GALNT17: variants seen among roughly 807,000 people sequenced by gnomAD.
The protein encoded by GALNT17 is UDP-GalNAc:polypeptide N-acetylgalactosaminyltransferase-like 3.
In GALNT17, 29 loss-of-function variants were observed where a neutral mutation model predicts 63.7. That is an observed-to-expected ratio of 0.46 (90% CI 0.34 to 0.62). The LOEUF is 0.62. Ranked by LOEUF, GALNT17 falls within the 20% of genes least tolerant of loss-of-function variation. GALNT17 has a pLI of 0.01. For missense variants in GALNT17, 603 were observed against 799.6 expected (o/e 0.75, Z 2.97); for synonymous variants, 305 against 318.3 (o/e 0.96, Z 0.45).
At chr7:71,506,087 G>A (rs971736495) in intron 5 of GALNT17, among the ~76,000 whole-genome samples, 1 of 152,044 alleles carries the variant, frequency 6.6e-6, no homozygotes. Flanking sequence ...GGCATTGGTG[G>A]GTGGTATGGT....
chr7:71,626,059 C>G (rs1790371063), intron 6 of GALNT17, among the ~76,000 whole-genome samples: 1 of 152,072 alleles, frequency 6.6e-6, no homozygotes, highest in Non-Finnish European at 1.5e-5. Context: ...TCCTGACCAA[C>G]ATGGTGAAAC....
rs1001626762 is a variant in GALNT17, at chr7:71,257,957, A to T, written c.239-77593A>T. 1.3e-4 allele frequency among the ~76,000 whole-genome samples: 19 copies of T among 151,874 alleles called. 1 individual carries two copies. Among genetic ancestry groups the T allele is most frequent in the African/African-American group, 4.6e-4 (19 of 41,322 alleles). ...TGACACCATGAGCCAGCTGTATTTGACCTCTGCATTGGCCCTTTATGCTTC... is the reference window on the plus strand; with the variant it reads ...TGACACCATGAGCCAGCTGTATTTGTCCTCTGCATTGGCCCTTTATGCTTC... On this transcript the variant is annotated intron_variant, in intron 1 of 10. Transcript: ENST00000333538.
chr7:71,193,294 C>T (rs1330906282), intron 1 of GALNT17, among the ~76,000 whole-genome samples: 1 of 151,448 alleles, frequency 6.6e-6, no homozygotes, highest in Non-Finnish European at 1.5e-5. Context: ...GAGGTGGGGT[C>T]TTGCTGTATT....
chr7:71,372,789 A>G (rs1015837097), intron 2 of GALNT17, among the ~76,000 whole-genome samples: 1 of 152,208 alleles, frequency 6.6e-6, no homozygotes, highest in South Asian at 2.1e-4. Context: ...ATTGAATATC[A>G]TATACAGATG....
intron 6 of GALNT17, among the ~76,000 whole-genome samples, chr7:71,583,812 C>T (rs931255358): frequency 1.3e-5 from 2 of 151,844 alleles, no homozygotes; most frequent in Non-Finnish European, 2.9e-5. Context: ...TGTCCAGGAC[C>T]GTGAAGTCAG....
chr7:71,332,412 C>T (rs918535752), intron 1 of GALNT17, among the ~76,000 whole-genome samples: 16 of 152,110 alleles, frequency 1.1e-4, no homozygotes, highest in Non-Finnish European at 2.1e-4. Flanking sequence ...TCTGAAACTG[C>T]AGCTTTTAGT....
chr7:71,322,188 A>T (rs1478940709), intron 1 of GALNT17, among the ~76,000 whole-genome samples: 7 of 152,006 alleles, frequency 4.6e-5, no homozygotes, highest in African/African-American at 1.7e-4. Context: ...TTCTAGCCTC[A>T]AGCAGTCCTC....
chr7:71,554,346 A>G (rs993667621), intron 5 of GALNT17, among the ~76,000 whole-genome samples: 2 of 152,156 alleles, frequency 1.3e-5, no homozygotes, highest in Non-Finnish European at 2.9e-5. Flanking sequence ...GTTGCCTGCC[A>G]CCATGTAAGA....
chr7:71,151,633 G>GAAAAAAA (rs565056347), intron 1 of GALNT17, among the ~76,000 whole-genome samples: 1 of 121,632 alleles, frequency 8.2e-6, no homozygotes, highest in Non-Finnish European at 1.7e-5. Flanking sequence ...AAAAAGAAAA[G>GAAAAAAA]AAAAAAAAAA....
At chr7:71,630,543 C>A (rs563265664) in intron 6 of GALNT17, among the ~76,000 whole-genome samples, 55 of 152,324 alleles carry the variant, frequency 3.6e-4, no homozygotes, top group Middle Eastern at 6.8e-3. Flanking sequence ...ACCGGAATTT[C>A]ATTGATGCTT....
At chr7:71,135,874 G>A (rs545852071) in intron 1 of GALNT17, among the ~76,000 whole-genome samples, 1 of 152,308 alleles carries the variant, frequency 6.6e-6, no homozygotes, top group Admixed American at 6.5e-5. Flanking sequence ...GGTGGAGTCA[G>A]GTGCTGTGGG....
chr7:71,318,010 CT>C (rs1791531139), intron 1 of GALNT17, among the ~76,000 whole-genome samples: 1 of 152,082 alleles, frequency 6.6e-6, no homozygotes, highest in South Asian at 2.1e-4. Flanking sequence ...AAGCGTTGAT[CT>C]CCTGGGCTCA....
chr7:71,233,835 C>T (rs937832235), intron 1 of GALNT17, among the ~76,000 whole-genome samples: 1 of 152,172 alleles, frequency 6.6e-6, no homozygotes, highest in Non-Finnish European at 1.5e-5. Context: ...CATTGACTCA[C>T]AGTTCCACAG....
At chr7:71,693,310 A>ATG (rs1791489920) in intron 9 of GALNT17, among the ~76,000 whole-genome samples, 1 of 128,530 alleles carries the variant, frequency 7.8e-6, no homozygotes, top group Non-Finnish European at 1.6e-5. Context: ...ACACACACAC[A>ATG]TATATATATA....
intron 3 of GALNT17, among the ~76,000 whole-genome samples, chr7:71,389,322 C>T (rs184254819): frequency 3.9e-5 from 6 of 152,084 alleles, no homozygotes; most frequent in Admixed American, 3.9e-4. Context: ...TTAGTAGAGA[C>T]AGGGTTTTGC....
chr7:71,653,157 A>G (rs1011843220), intron 6 of GALNT17, among the ~76,000 whole-genome samples: 3 of 152,104 alleles, frequency 2.0e-5, no homozygotes, highest in African/African-American at 7.2e-5. Flanking sequence ...CTGGGACTAC[A>G]GGCACCTGCC....
chr7:71,479,580 T>A (rs1787779853), intron 5 of GALNT17, among the ~76,000 whole-genome samples: 1 of 152,186 alleles, frequency 6.6e-6, no homozygotes, highest in Non-Finnish European at 1.5e-5. Flanking sequence ...TCTTAGAGAA[T>A]GACTTTTTTT....
intron 1 of GALNT17, among the ~76,000 whole-genome samples, chr7:71,156,507 C>T (rs1788237113): frequency 6.6e-6 from 1 of 151,694 alleles, no homozygotes; most frequent in Admixed American, 6.6e-5. Context: ...TTCCTTCAAG[C>T]AATACATCTG....
intron 5 of GALNT17, among the ~76,000 whole-genome samples, chr7:71,457,828 C>T (rs577351364): frequency 2.6e-5 from 4 of 152,214 alleles, no homozygotes; most frequent in African/African-American, 7.2e-5. Flanking sequence ...TGACTTAGAG[C>T]GCCTTAACTG....
Sources: gnomAD v4.1 joint callset for allele counts (sites outside exome capture counted in the v4.1 genomes callset) on GRCh38, gnomAD v4.1.1 for gene constraint, MANE v1.5 for transcripts, NCBI Gene and HGNC (gene_info 2026-07-23, HGNC 2026-07-21) for gene names.